The following KCND2 variants were observed in gnomAD, a reference collection of about 807,000 sequenced individuals.
KCND2 encodes potassium voltage-gated channel subfamily D member 2.
In KCND2, 16 loss-of-function variants were observed where a neutral mutation model predicts 54.4. That is an observed-to-expected ratio of 0.29 (90% CI 0.20 to 0.45). The LOEUF (loss-of-function observed/expected upper bound fraction) is 0.45, where lower values mean the gene tolerates loss of function less well. Ranked by LOEUF, KCND2 falls within the 20% of genes least tolerant of loss-of-function variation. KCND2 has a pLI of 1.00. For synonymous variants in KCND2, 317 were observed against 310.7 expected (o/e 1.02, Z -0.21); for missense variants, 486 against 824.2 (o/e 0.59, Z 5.02).
intron 1 of KCND2, among the ~76,000 whole-genome samples, chr7:120,435,902 A>T (rs1420154355): frequency 6.6e-6 from 1 of 152,198 alleles, no homozygotes; most frequent in African/African-American, 2.4e-5. Flanking sequence ...GCAGTATATT[A>T]AGGAGAATTA....
chr7:120,612,612 A>G (rs1428345306), intron 1 of KCND2, among the ~76,000 whole-genome samples: 2 of 152,188 alleles, frequency 1.3e-5, no homozygotes, highest in African/African-American at 4.8e-5. Flanking sequence ...ACTATTTTCC[A>G]CAGGCACACA....
rs956047122 is a variant in KCND2, at chr7:120,273,674, C to G, written c.-959C>G. 1 of 152,708 alleles carries G rather than the reference C, an allele frequency of 6.5e-6. No individual in the cohort carries two copies. Among genetic ancestry groups the G allele is most frequent in the Non-Finnish European group, 1.5e-5 (1 of 68,142 alleles). The allele number at this position is 152,708 out of a possible 1,614,324, so 9.5% of individuals were successfully genotyped here. ...TCTCTCGGCGCATCGGATTCGGCTG[C>G]TCGCGAGCTGCTTTCTCTCCTCTTC... On this transcript the variant is annotated 5_prime_UTR_variant, in exon 1 of 6. Transcript: ENST00000331113.
intron 1 of KCND2, among the ~76,000 whole-genome samples, chr7:120,389,004 G>T (rs1328961467): frequency 6.6e-6 from 1 of 151,228 alleles, no homozygotes; most frequent in East Asian, 1.9e-4. Flanking sequence ...TTGTTGCCAT[G>T]CTGGTCTACT....
At chr7:120,543,989 C>T (rs1210751846) in intron 1 of KCND2, among the ~76,000 whole-genome samples, 1 of 151,898 alleles carries the variant, frequency 6.6e-6, no homozygotes, top group Non-Finnish European at 1.5e-5. Flanking sequence ...AGAGAATAGA[C>T]ATGGAAATTA....
At chr7:120,649,350 A>G (rs1355921719) in intron 1 of KCND2, among the ~76,000 whole-genome samples, 2 of 152,192 alleles carry the variant, frequency 1.3e-5, no homozygotes, top group Non-Finnish European at 2.9e-5. Context: ...CAGTGGGGAA[A>G]AAATCTTCTA....
chr7:120,480,856 G>A (rs1802597162), intron 1 of KCND2, among the ~76,000 whole-genome samples: 1 of 152,206 alleles, frequency 6.6e-6, no homozygotes, highest in East Asian at 1.9e-4. Flanking sequence ...AAGTGGGGCT[G>A]TTGCTATAAT....
chr7:120,594,556 A>G lies in KCND2; in HGVS notation c.1116-138347A>G, dbSNP rs906374978. 2.6e-5 allele frequency among the ~76,000 whole-genome samples: 4 copies of G among 152,282 alleles called. No homozygotes were observed. The East Asian group carries it at 7.7e-4, about 29-fold the overall frequency. ...AAATTACTGCCCAAAAGCCTCATCT[A>G]TTTCAACGTGTGAATTTTGTAGAAA... On this transcript the variant is annotated intron_variant, in intron 1 of 5. Coordinates refer to ENST00000331113, the MANE Select transcript of KCND2 (RefSeq NM_012281.3).
Position 120,290,741 on chromosome 7 carries a change from A to T in KCND2, c.1115+14994A>T, listed in dbSNP as rs115430936. Among the ~76,000 whole-genome samples the T allele has an allele frequency of 5.0e-3, 756 of 152,056 alleles. 2 individuals carry two copies. Among genetic ancestry groups the T allele is most frequent in the African/African-American group, 0.017 (695 of 41,508 alleles). The stretch of plus-strand genomic sequence containing the variant: ...GCTACACATATATGGAAATATATAT[A>T]TATGCTTTTTTTTCTTGCATGCCAA... On this transcript the variant is annotated intron_variant, in intron 1 of 5. Coordinates refer to ENST00000331113, the MANE Select transcript of KCND2 (RefSeq NM_012281.3).
At chr7:120,343,808 A>C (rs535708376) in intron 1 of KCND2, among the ~76,000 whole-genome samples, 18 of 152,308 alleles carry the variant, frequency 1.2e-4, no homozygotes, top group Admixed American at 6.5e-5. Flanking sequence ...CTATTTTCAC[A>C]TGATATTCAG....
At chr7:120,390,478 A>G (rs998923556) in intron 1 of KCND2, among the ~76,000 whole-genome samples, 13 of 152,030 alleles carry the variant, frequency 8.6e-5, no homozygotes, top group South Asian at 6.2e-4. Context: ...TATTTTCCCT[A>G]TATTACAGAT....
intron 1 of KCND2, among the ~76,000 whole-genome samples, chr7:120,309,365 G>A (rs1051233071): frequency 2.6e-5 from 4 of 151,252 alleles, no homozygotes; most frequent in African/African-American, 7.3e-5. Context: ...AATATTTTGT[G>A]TGTGACTGGA....
chr7:120,484,260 A>C (rs1195475630), intron 1 of KCND2, among the ~76,000 whole-genome samples: 5 of 152,034 alleles, frequency 3.3e-5, no homozygotes, highest in Non-Finnish European at 7.4e-5. Flanking sequence ...ATAAGTTTTT[A>C]CTTTTAGATT....
chr7:120,357,750 T>C (rs1424851360), intron 1 of KCND2, among the ~76,000 whole-genome samples: 1 of 152,126 alleles, frequency 6.6e-6, no homozygotes, highest in African/African-American at 2.4e-5. Context: ...ACCAGCTGGT[T>C]TGGTTTCTCC....
At chr7:120,415,923 A>T (rs2116120260) in intron 1 of KCND2, among the ~76,000 whole-genome samples, 1 of 152,280 alleles carries the variant, frequency 6.6e-6, no homozygotes, top group Non-Finnish European at 1.5e-5. Flanking sequence ...AAAATCAGAA[A>T]CCGAGAAGTC....
At chr7:120,417,654 A>C (rs1417213876) in intron 1 of KCND2, among the ~76,000 whole-genome samples, 1 of 152,214 alleles carries the variant, frequency 6.6e-6, no homozygotes, top group East Asian at 1.9e-4. Context: ...GTGTTGTGGC[A>C]GTTTGGTCCC....
intron 1 of KCND2, among the ~76,000 whole-genome samples, chr7:120,678,317 A>G (rs2116584206): frequency 6.9e-6 from 1 of 145,446 alleles, no homozygotes; most frequent in Admixed American, 6.9e-5. Context: ...TAATCCATGG[A>G]GCTCTTCTAC....
At chr7:120,444,287 C>T (rs1193342898) in intron 1 of KCND2, among the ~76,000 whole-genome samples, 1 of 152,118 alleles carries the variant, frequency 6.6e-6, no homozygotes, top group Non-Finnish European at 1.5e-5. Context: ...TACCATCTTC[C>T]TCCCACCAGA....
chr7:120,568,518 C>T (rs1792325584), intron 1 of KCND2, among the ~76,000 whole-genome samples: 1 of 151,970 alleles, frequency 6.6e-6, no homozygotes, highest in South Asian at 2.1e-4. Flanking sequence ...AAAATCAAAC[C>T]CCAGGACTTC....
chr7:120,575,877 A>T (rs1396025928), intron 1 of KCND2, among the ~76,000 whole-genome samples: 2 of 152,172 alleles, frequency 1.3e-5, no homozygotes, highest in African/African-American at 2.4e-5. Flanking sequence ...CAGCTTTCTC[A>T]TATCTAAAAT....
Sources: gnomAD v4.1 joint callset for allele counts (sites outside exome capture counted in the v4.1 genomes callset) on GRCh38, gnomAD v4.1.1 for gene constraint, MANE v1.5 for transcripts, NCBI Gene and HGNC (gene_info 2026-07-23, HGNC 2026-07-21) for gene names.